The following DCUN1D5 variants were observed in gnomAD, a reference collection of about 807,000 sequenced individuals.
The protein encoded by DCUN1D5 is DCN1-like protein 5.
DCUN1D5 carries 10 observed loss-of-function variants against 38.3 expected under a neutral mutation model. That is an observed-to-expected ratio of 0.26 (90% CI 0.16 to 0.44). DCUN1D5 has a LOEUF of 0.44. Among genes scored for constraint, DCUN1D5 ranks in the 20% least tolerant of loss-of-function variants. DCUN1D5 has a pLI of 1.00. For synonymous variants in DCUN1D5, 93 were observed against 90.9 expected (o/e 1.02, Z -0.13); for missense variants, 148 against 275.3 (o/e 0.54, Z 3.27).
chr11:103,080,842 C>A (rs949651906), intron 4 of DCUN1D5, among the ~76,000 whole-genome samples: 8 of 152,080 alleles, frequency 5.3e-5, no homozygotes, highest in Non-Finnish European at 8.8e-5. Flanking sequence ...GAAACCCTGT[C>A]TCTACTTAAA....
rs1401367696 is a variant in DCUN1D5, at chr11:103,073,327, T to C, written c.342-6760A>G. 2.0e-5 allele frequency among the ~76,000 whole-genome samples: 3 copies of C among 152,170 alleles called. No individual in the cohort carries two copies. The highest frequency in any genetic ancestry group is 7.2e-5 in the African/African-American group (3 of 41,430). ...AGACAAAAATTACCAATATCAGGAA[T>C]ATTAAGAGTATTCAAAGACTCAAAA... On this transcript the variant is annotated intron_variant, in intron 4 of 7. Transcript: ENST00000260247. The surrounding 1 kb of genome is among the most constrained non-coding windows in gnomAD (Gnocchi z 4.2).
chr11:103,061,222 C>CTTT lies in DCUN1D5; in HGVS notation c.*1134_*1136dup, dbSNP rs1862001879. Among the ~76,000 whole-genome samples, 1 of 152,134 alleles carries CTTT rather than the reference C, an allele frequency of 6.6e-6. No individual in the cohort carries two copies. Among genetic ancestry groups the CTTT allele is most frequent in the Non-Finnish European group, 1.5e-5 (1 of 68,018 alleles). ...CTCCCTTATTATGGAAAAATAACCTCTTTACTTCTCTCTACTCAAACAATG... is the reference window on the plus strand; with the variant it reads ...CTCCCTTATTATGGAAAAATAACCTCTTTTTTACTTCTCTCTACTCAAACAATG... On this transcript the variant is annotated 3_prime_UTR_variant, in exon 8 of 8. Coordinates refer to ENST00000260247, the MANE Select transcript of DCUN1D5 (RefSeq NM_032299.4).
At position 103,091,477 on chromosome 11, in the gene DCUN1D5, T is replaced by G; in HGVS notation, c.86+310A>C. ...CGGGAGTAGGGGATCGAGGGTCGGT[T>G]GTGGGGTGGGGGTGGGGGTGGGGGG... is the stretch of plus-strand genomic sequence containing the variant. On this transcript the variant is annotated intron_variant, in intron 1 of 7. Transcript: ENST00000260247. The surrounding 1 kb of genome is among the most constrained non-coding windows in gnomAD (Gnocchi z 4.3). 1.3e-5 allele frequency: 3 copies of G among 238,370 alleles called. No homozygotes were observed. Among genetic ancestry groups the G allele is most frequent in the Non-Finnish European group, 2.2e-5 (3 of 134,684 alleles). The allele number at this position is 238,370 out of a possible 1,614,324, so 14.8% of individuals were successfully genotyped here.
chr11:103,079,468 C>G (rs1017127114), intron 4 of DCUN1D5, among the ~76,000 whole-genome samples: 1 of 152,164 alleles, frequency 6.6e-6, no homozygotes, highest in Non-Finnish European at 1.5e-5. Context: ...AAGTGGCTTA[C>G]GCCTGTAATT....
Position 103,086,147 on chromosome 11 carries a change from C to T in DCUN1D5, c.179-2821G>A, listed in dbSNP as rs11225546. ...ATGTTCCTAGCTATATCTGCAAGGCCTAATACCATGCCAGCCATAACAGAT... is the reference window on the plus strand; with the variant it reads ...ATGTTCCTAGCTATATCTGCAAGGCTTAATACCATGCCAGCCATAACAGAT... On this transcript the variant is annotated intron_variant, in intron 2 of 7. Coordinates refer to ENST00000260247, the MANE Select transcript of DCUN1D5 (RefSeq NM_032299.4). The surrounding 1 kb of genome is among the most constrained non-coding windows in gnomAD (Gnocchi z 4.1). Among the ~76,000 whole-genome samples the T allele has an allele frequency of 6.6e-6, 1 of 151,920 alleles. No individual in the cohort carries two copies. Among genetic ancestry groups the T allele is most frequent in the African/African-American group, 2.4e-5 (1 of 41,406 alleles).
At chr11:103,089,134 T>C (rs1007779248) in intron 2 of DCUN1D5, 93 bp downstream of exon 2, 28 of 1,286,100 alleles carry the variant, frequency 2.2e-5, no homozygotes, top group East Asian at 2.0e-4. Flanking sequence ...CACTAACACA[T>C]AGCAGGCCTG....
rs990011611 is a variant in DCUN1D5 at position 103,064,203 on chromosome 11, A to G, written c.658+72T>C. On this transcript the variant is annotated intron_variant, in intron 7 of 7. Coordinates refer to ENST00000260247, the MANE Select transcript of DCUN1D5 (RefSeq NM_032299.4). The surrounding 1 kb of genome is among the most constrained non-coding windows in gnomAD (Gnocchi z 4.5). Reference sequence around the variant, plus strand: ...AGTTTAAAACCTCTATGCTAATACTACACAAATGCATACTCTCATTTAATA... The same window carrying G: ...AGTTTAAAACCTCTATGCTAATACTGCACAAATGCATACTCTCATTTAATA... 4.3e-6 allele frequency: 5 copies of G among 1,163,772 alleles called. No individual in the cohort carries two copies. The highest frequency in any genetic ancestry group is 1.5e-5 in the African/African-American group (1 of 65,772). The allele number at this position is 1,163,772 out of a possible 1,614,324, so 72.1% of individuals were successfully genotyped here.
chr11:103,084,303 A>ATAG (rs1368680144), intron 2 of DCUN1D5, among the ~76,000 whole-genome samples: 2 of 152,214 alleles, frequency 1.3e-5, no homozygotes, highest in Non-Finnish European at 2.9e-5. Context: ...TTTATAAACC[A>ATAG]TAGACTAGAC....
chr11:103,055,888 A>C lies in DCUN1D5; in HGVS notation c.*6471T>G, dbSNP rs1024297390. Reference sequence around the variant, plus strand: ...ACGTCTGACAGACAAGTCTACCATAACATATCCAAAAGTAAACTCTCAATC... The same window carrying C: ...ACGTCTGACAGACAAGTCTACCATACCATATCCAAAAGTAAACTCTCAATC... On this transcript the variant is annotated 3_prime_UTR_variant, in exon 8 of 8. Coordinates refer to ENST00000260247, the MANE Select transcript of DCUN1D5 (RefSeq NM_032299.4). 2.0e-5 allele frequency: 3 copies of C among 152,190 alleles called. No individual in the cohort carries two copies. Among genetic ancestry groups the C allele is most frequent in the Non-Finnish European group, 2.9e-5 (2 of 68,018 alleles). 9.4% of individuals were successfully genotyped at this position (152,190 alleles called of 1,614,324 possible).
intron 1 of DCUN1D5, among the ~76,000 whole-genome samples, chr11:103,089,690 T>G (rs1400541487): frequency 6.6e-6 from 1 of 152,188 alleles, no homozygotes; most frequent in Non-Finnish European, 1.5e-5. Context: ...GATAAATATT[T>G]GAAAACAAAC....
rs1862281470 is a variant in DCUN1D5 at position 103,071,914 on chromosome 11, A to G, written c.342-5347T>C. ...AATTTAAAATATTTAAAAAAAGAAAAATTTATTTAATAAAGCCAGTATTAC... is the reference window on the plus strand; with the variant it reads ...AATTTAAAATATTTAAAAAAAGAAAGATTTATTTAATAAAGCCAGTATTAC... On this transcript the variant is annotated intron_variant, in intron 4 of 7. Transcript: ENST00000260247. This position sits in a 1 kb window ranked among gnomAD's most constrained non-coding sequence, Gnocchi z 4.1. 6.6e-6 allele frequency among the ~76,000 whole-genome samples: 1 copy of G among 151,436 alleles called. No individual in the cohort carries two copies. Among genetic ancestry groups the G allele is most frequent in the South Asian group, 2.1e-4 (1 of 4,828 alleles).
At position 103,064,861 on chromosome 11, in the gene DCUN1D5, A is replaced by G. The variant is rs1862096365; in HGVS notation, c.556-484T>C. On this transcript the variant is annotated intron_variant, in intron 6 of 7. Coordinates refer to ENST00000260247, the MANE Select transcript of DCUN1D5 (RefSeq NM_032299.4). This position sits in a 1 kb window ranked among gnomAD's most constrained non-coding sequence, Gnocchi z 4.5. The stretch of plus-strand genomic sequence containing the variant: ...GTGATTTTGGGAAAGTTACTTAAGA[A>G]TAGAAACCACCTCCTCATTTGTTAA... Among the ~76,000 whole-genome samples the G allele has an allele frequency of 6.6e-6, 1 of 152,236 alleles. No individual in the cohort carries two copies. The highest frequency in any genetic ancestry group is 2.4e-5 in the African/African-American group (1 of 41,460).
At position 103,063,101 on chromosome 11, in the gene DCUN1D5, G is replaced by C. The variant is rs149286306; in HGVS notation, c.659-687C>G. Among the ~76,000 whole-genome samples the C allele has an allele frequency of 3.3e-3, 500 of 152,104 alleles. 2 individuals carry two copies. The highest frequency in any genetic ancestry group is 0.012 in the African/African-American group (478 of 41,516). ...TGGTCTTTTTCCATTGCTTTTGACA[G>C]ACATGTTTCTCTATCGTAAGAAAAG... On this transcript the variant is annotated intron_variant, in intron 7 of 7. Coordinates refer to ENST00000260247, the MANE Select transcript of DCUN1D5 (RefSeq NM_032299.4). The surrounding 1 kb of genome is among the most constrained non-coding windows in gnomAD (Gnocchi z 4.6).
intron 4 of DCUN1D5, among the ~76,000 whole-genome samples, chr11:103,081,180 T>C (rs1046037769): frequency 7.9e-5 from 12 of 152,232 alleles, no homozygotes; most frequent in Non-Finnish European, 1.6e-4. Flanking sequence ...AAGAAACTTT[T>C]AGATTTAAAA....
Position 103,061,435 on chromosome 11 carries a change from T to C in DCUN1D5, c.*924A>G, listed in dbSNP as rs965550427. On this transcript the variant is annotated 3_prime_UTR_variant, in exon 8 of 8. Coordinates refer to ENST00000260247, the MANE Select transcript of DCUN1D5 (RefSeq NM_032299.4). ...CACTTGATTACCAACAGGCAGAAAA[T>C]TGTGATAATTAGCAAGCTGCAATAC... 3.3e-5 allele frequency among the ~76,000 whole-genome samples: 5 copies of C among 152,020 alleles called. No homozygotes were observed. Among genetic ancestry groups the C allele is most frequent in the Non-Finnish European group, 7.4e-5 (5 of 67,968 alleles).
rs531349714 is a variant in DCUN1D5, at chr11:103,086,843, ATATC to A, written c.178+2380_178+2383del. On this transcript the variant is annotated intron_variant, in intron 2 of 7. Transcript: ENST00000260247. This position sits in a 1 kb window ranked among gnomAD's most constrained non-coding sequence, Gnocchi z 4.1. ...TTAAATAAAAAATAAACATAAAATAATATCTATTATAATAAAATGTTTATAACTA... is the reference window on the plus strand; with the variant it reads ...TTAAATAAAAAATAAACATAAAATAATATTATAATAAAATGTTTATAACTA... 4.6e-5 allele frequency among the ~76,000 whole-genome samples: 7 copies of A among 151,904 alleles called. No individual in the cohort carries two copies. In the South Asian group the frequency reaches 1.2e-3, roughly 27 times the overall value.
Position 103,056,858 on chromosome 11 carries a change from C to G in DCUN1D5, c.*5501G>C, listed in dbSNP as rs1018420205. 6.6e-6 allele frequency among the ~76,000 whole-genome samples: 1 copy of G among 152,134 alleles called. No individual in the cohort carries two copies. Among genetic ancestry groups the G allele is most frequent in the Non-Finnish European group, 1.5e-5 (1 of 68,024 alleles). ...CTATCATAACTAACCACTTCTTGTT[C>G]AAGTAACAAGACGCATTCATTTAAC... On this transcript the variant is annotated 3_prime_UTR_variant, in exon 8 of 8. Coordinates refer to ENST00000260247, the MANE Select transcript of DCUN1D5 (RefSeq NM_032299.4). The surrounding 1 kb of genome is among the most constrained non-coding windows in gnomAD (Gnocchi z 4.9).
In DCUN1D5 at chr11:103,068,288, T is replaced by G. The variant is rs146078152; in HGVS notation, c.342-1721A>C. On this transcript the variant is annotated intron_variant, in intron 4 of 7. Coordinates refer to ENST00000260247, the MANE Select transcript of DCUN1D5 (RefSeq NM_032299.4). ...CAACCACAAGTTTTGATAAGTATTG[T>G]TTGTAGAACTATCATTCGATCCAGC... Among the ~76,000 whole-genome samples the G allele has an allele frequency of 4.6e-3, 697 of 152,218 alleles. 5 individuals are homozygous for G. Among genetic ancestry groups the G allele is most frequent in the African/African-American group, 0.016 (647 of 41,548 alleles).
chr11:103,085,410 G>A (rs1201381364), intron 2 of DCUN1D5, among the ~76,000 whole-genome samples: 4 of 152,140 alleles, frequency 2.6e-5, no homozygotes, highest in South Asian at 2.1e-4. Flanking sequence ...GCACTCCAGC[G>A]TAGGTGACAG....
Sources: allele counts gnomAD v4.1 joint callset (sites outside exome capture counted in the v4.1 genomes callset), GRCh38; gene constraint gnomAD v4.1.1; non-coding constraint Gnocchi (gnomAD v3.1); transcripts MANE v1.5; gene names NCBI Gene and HGNC (gene_info 2026-07-23, HGNC 2026-07-21).